The following LRFN5 variants were observed in gnomAD, a reference collection of about 807,000 sequenced individuals.
LRFN5 encodes the protein leucine-rich repeat and fibronectin type-III domain-containing protein 5.
In LRFN5, 24 loss-of-function variants were observed where a neutral mutation model predicts 45.6. That is an observed-to-expected ratio of 0.53 (90% CI 0.38 to 0.74). The LOEUF (loss-of-function observed/expected upper bound fraction) is 0.74. Among genes scored for constraint, LRFN5 ranks in the 30% least tolerant of loss-of-function variants. The pLI, the probability that LRFN5 is intolerant of heterozygous loss-of-function variation, is 0.00. For synonymous variants in LRFN5, 340 were observed against 313.8 expected (o/e 1.08, Z -0.88); for missense variants, 776 against 861.5 (o/e 0.90, Z 1.24).
chr14:41,861,263 T>G (rs774717354), intron 2 of LRFN5, among the ~76,000 whole-genome samples: 6 of 152,204 alleles, frequency 3.9e-5, no homozygotes, highest in Non-Finnish European at 7.3e-5. Context: ...CTATGATCTT[T>G]GCCAAATGGT....
At chr14:41,660,489 T>C (rs1880597447) in intron 1 of LRFN5, among the ~76,000 whole-genome samples, 1 of 152,128 alleles carries the variant, frequency 6.6e-6, no homozygotes, top group Admixed American at 6.6e-5. Flanking sequence ...AAACATGCTG[T>C]TGTTGTCTAC....
chr14:41,629,323 C>A (rs928202823), intron 1 of LRFN5, among the ~76,000 whole-genome samples: 1 of 152,156 alleles, frequency 6.6e-6, no homozygotes, highest in African/African-American at 2.4e-5. Flanking sequence ...TACTGTTCAA[C>A]CAGCTTCATG....
At chr14:41,704,442 C>CTGTGTGTGTGTGTG (rs1190054164) in intron 1 of LRFN5, among the ~76,000 whole-genome samples, 16 of 127,768 alleles carry the variant, frequency 1.3e-4, no homozygotes, top group South Asian at 2.5e-4. Context: ...CTCTCTCTCT[C>CTGTGTGTGTGTGTG]TCTCTCTGTG....
chr14:41,870,522 C>T (rs1472202443), intron 2 of LRFN5, among the ~76,000 whole-genome samples: 3 of 152,104 alleles, frequency 2.0e-5, no homozygotes, highest in Non-Finnish European at 4.4e-5. Flanking sequence ...TGCAGGGGAA[C>T]TCCCCTTTAT....
intron 1 of LRFN5, among the ~76,000 whole-genome samples, chr14:41,658,758 G>C (rs988653354): frequency 7.9e-5 from 12 of 151,804 alleles, no homozygotes; most frequent in Admixed American, 3.3e-4. Context: ...TATATTTACT[G>C]TTAGTTAATA....
At chr14:41,818,357 A>T (rs1277179017) in intron 2 of LRFN5, among the ~76,000 whole-genome samples, 1 of 152,082 alleles carries the variant, frequency 6.6e-6, no homozygotes, top group African/African-American at 2.4e-5. Context: ...ACAGGGAACA[A>T]AATTCTTAAT....
intron 1 of LRFN5, among the ~76,000 whole-genome samples, chr14:41,646,792 G>T (rs1879837916): frequency 6.6e-6 from 1 of 152,060 alleles, no homozygotes; most frequent in Admixed American, 6.6e-5. Context: ...GTTGATATTG[G>T]CCATGGGCCT....
Position 41,891,384 on chromosome 14 carries a change from A to G in LRFN5, c.1520A>G (p.Gln507Arg), listed in dbSNP as rs1182390206. The G allele has an allele frequency of 2.5e-6, 4 of 1,614,144 alleles. No individual in the cohort carries two copies. Among genetic ancestry groups the G allele is most frequent in the Middle Eastern group, 1.6e-4 (1 of 6,062 alleles). ...GCCACAAGAGTCGTGGGTTGCATCC[A>G]GTTTACTACGGAACAGGATTATGTG... Reference protein sequence around the residue: ...LTATRVVGCIQFTTEQDYVRC... With the variant: ...LTATRVVGCIRFTTEQDYVRC... The change falls in exon 4 of 6, where the codon CAG becomes CGG. Residue 507 changes from glutamine to arginine, a missense_variant. By Grantham distance (43) the Gln-to-Arg change is conservative (BLOSUM62 1). This residue lies in a region of LRFN5 where 465 missense variants were observed against 456.4 expected (regional missense o/e 1.02). Coordinates refer to ENST00000298119, the MANE Select transcript of LRFN5 (RefSeq NM_152447.5).
intron 2 of LRFN5, among the ~76,000 whole-genome samples, chr14:41,874,550 A>G (rs1400579392): frequency 6.6e-6 from 1 of 152,160 alleles, no homozygotes; most frequent in Non-Finnish European, 1.5e-5. Context: ...GTTCTTTGCT[A>G]TACTTTCTTG....
rs185312719 is a variant in LRFN5, at chr14:41,667,381, T to A, written c.-197+58819T>A. On this transcript the variant is annotated intron_variant, in intron 1 of 5. Transcript: ENST00000298119. ...GATTTCTGATAAAGTTGTTATATTTTAGCAGTGCTGTCTAATACAGCAGCC... is the reference window on the plus strand; with the variant it reads ...GATTTCTGATAAAGTTGTTATATTTAAGCAGTGCTGTCTAATACAGCAGCC... Among the ~76,000 whole-genome samples, 8 of 152,308 alleles carry A rather than the reference T, an allele frequency of 5.3e-5. 1 individual carries two copies. In the East Asian group the frequency reaches 1.3e-3, roughly 26 times the overall value.
At chr14:41,847,782 T>G (rs1336504379) in intron 2 of LRFN5, among the ~76,000 whole-genome samples, 4 of 152,114 alleles carry the variant, frequency 2.6e-5, no homozygotes, top group Non-Finnish European at 4.4e-5. Flanking sequence ...GTTATAATTT[T>G]AATGCTTTTC....
At chr14:41,839,327 A>G (rs1888777523) in intron 2 of LRFN5, among the ~76,000 whole-genome samples, 1 of 152,070 alleles carries the variant, frequency 6.6e-6, no homozygotes, top group Non-Finnish European at 1.5e-5. Flanking sequence ...TTTTTTTTAA[A>G]AAAAGAAGGA....
At chr14:41,877,839 A>G (rs760795608) in intron 2 of LRFN5, among the ~76,000 whole-genome samples, 1 of 152,168 alleles carries the variant, frequency 6.6e-6, no homozygotes, top group Non-Finnish European at 1.5e-5. Context: ...CACTTTGTGT[A>G]TGTTGCAGTT....
At chr14:41,713,626 C>T (rs941728797) in intron 1 of LRFN5, among the ~76,000 whole-genome samples, 7 of 152,058 alleles carry the variant, frequency 4.6e-5, no homozygotes, top group South Asian at 2.1e-4. Flanking sequence ...TATAGAAGTA[C>T]TTTCAATGTT....
rs544312707 is a variant in LRFN5, at chr14:41,611,036, T to C, written c.-197+2474T>C. 4.6e-5 allele frequency among the ~76,000 whole-genome samples: 7 copies of C among 152,292 alleles called. No individual in the cohort carries two copies. The South Asian group carries it at 1.2e-3, about 27-fold the overall frequency. On this transcript the variant is annotated intron_variant, in intron 1 of 5. Coordinates refer to ENST00000298119, the MANE Select transcript of LRFN5 (RefSeq NM_152447.5). ...TGGAAAATAAGGTGTTTTCATCACC[T>C]CCCACCTATTTCACTTTCTTCTGGC...
chr14:41,876,534 G>A (rs779451705), intron 2 of LRFN5, among the ~76,000 whole-genome samples: 12 of 150,772 alleles, frequency 8.0e-5, no homozygotes, highest in Non-Finnish European at 1.3e-4. Context: ...CTGACCTCGT[G>A]ATCCACCCGC....
chr14:41,709,443 C>T (rs191765191), intron 1 of LRFN5, among the ~76,000 whole-genome samples: 3 of 152,094 alleles, frequency 2.0e-5, no homozygotes, highest in African/African-American at 7.2e-5. Flanking sequence ...TCATTTTTCA[C>T]ACTGTTTATT....
At chr14:41,757,188 A>C (rs1885435084) in intron 1 of LRFN5, among the ~76,000 whole-genome samples, 1 of 152,128 alleles carries the variant, frequency 6.6e-6, no homozygotes, top group Non-Finnish European at 1.5e-5. Context: ...CCTCCCAGTT[A>C]GGCTACTCGG....
At chr14:41,792,258 G>A (rs12892631) in intron 2 of LRFN5, among the ~76,000 whole-genome samples, 20,628 of 152,044 alleles carry the variant, frequency 0.14, 1,671 homozygotes, top group Non-Finnish European at 0.18. Flanking sequence ...AAGATCACAT[G>A]CTTCTGAGGG....
Sources: allele counts gnomAD v4.1 joint callset (sites outside exome capture counted in the v4.1 genomes callset), GRCh38; gene constraint gnomAD v4.1.1; regional missense constraint gnomAD v4.1.1; transcripts MANE v1.5; gene names NCBI Gene and HGNC (gene_info 2026-07-23, HGNC 2026-07-21).